PRDM16: variants seen among roughly 807,000 people sequenced by gnomAD.
PRDM16 encodes the protein histone-lysine N-methyltransferase PRDM16.
In PRDM16, 23 loss-of-function variants were observed where a neutral mutation model predicts 110.6. That is an observed-to-expected ratio of 0.21 (90% confidence interval 0.15 to 0.29). The LOEUF is 0.29. PRDM16 is among the 10% of genes least tolerant of loss of function. PRDM16 has a pLI of 1.00. For synonymous variants in PRDM16, 799 were observed against 781.8 expected (o/e 1.02, Z -0.37); for missense variants, 1,615 against 1,794.3 (o/e 0.90, Z 1.81).
intron 2 of PRDM16, among the ~76,000 whole-genome samples, chr1:3,222,910 G>A (rs973164983): frequency 6.6e-6 from 1 of 152,128 alleles, no homozygotes; most frequent in Admixed American, 6.5e-5. Flanking sequence ...CAAGGCCGGG[G>A]TGGAGTTTGG....
rs1378027221 is a variant in PRDM16, at chr1:3,339,116, A to G, written c.439-46036A>G. 6.6e-6 allele frequency among the ~76,000 whole-genome samples: 1 copy of G among 152,032 alleles called. No individual in the cohort carries two copies. The highest frequency in any genetic ancestry group is 2.4e-5 in the African/African-American group (1 of 41,396). On this transcript the variant is annotated intron_variant, in intron 3 of 16. Coordinates refer to ENST00000270722, the MANE Select transcript of PRDM16 (RefSeq NM_022114.4). This position sits in a 1 kb window ranked among gnomAD's most constrained non-coding sequence, Gnocchi z 5.0. Reference sequence around the variant, plus strand: ...GTGCACTCCCCTCTCTGGCCTCCCCATGTCCCGCCTTTCCGGGTGCTCAGA... The same window carrying G: ...GTGCACTCCCCTCTCTGGCCTCCCCGTGTCCCGCCTTTCCGGGTGCTCAGA...
At position 3,390,019 on chromosome 1, in the gene PRDM16, C is replaced by T. The variant is rs114756981; in HGVS notation, c.573+4733C>T. On this transcript the variant is annotated intron_variant, in intron 4 of 16. Transcript: ENST00000270722. This position sits in a 1 kb window ranked among gnomAD's most constrained non-coding sequence, Gnocchi z 5.0. Reference sequence around the variant, plus strand: ...AAAATTCAAGACACTCAGATCACCCCTGGGTGGTTCTTTCTCCTGTAATTA... The same window carrying T: ...AAAATTCAAGACACTCAGATCACCCTTGGGTGGTTCTTTCTCCTGTAATTA... Among the ~76,000 whole-genome samples, 2,543 of 149,150 alleles carry T rather than the reference C, an allele frequency of 0.017. 37 individuals carry two copies. The highest frequency in any genetic ancestry group is 0.024 in the Non-Finnish European group (1,628 of 67,372).
intron 3 of PRDM16, among the ~76,000 whole-genome samples, chr1:3,364,318 G>A (rs1244718005): frequency 6.6e-6 from 1 of 152,200 alleles, no homozygotes; most frequent in African/African-American, 2.4e-5. Flanking sequence ...AGGGGCCCCT[G>A]GTTTTCCATG....
chr1:3,334,225 G>T (rs2100494906), intron 3 of PRDM16, among the ~76,000 whole-genome samples: 1 of 152,328 alleles, frequency 6.6e-6, no homozygotes, highest in Admixed American at 6.5e-5. Flanking sequence ...AAAGAGGGAA[G>T]ACAGAGCAGG....
chr1:3,411,763 G>T lies in PRDM16; in HGVS notation c.1566G>T (p.Leu522Phe), dbSNP rs554705536. 570 of 1,611,606 alleles carry T rather than the reference G, an allele frequency of 3.5e-4. 8 individuals carry two copies. In the Admixed American group the frequency reaches 9.4e-3, roughly 27 times the overall value. ...PGFPGIFPPS[L>F]YPRPPLLPPT... Reference sequence around the variant, plus strand: ...TCCCGGGCATCTTCCCTCCATCCTTGTACCCCCGGCCGCCTCTGCTACCTC... The same window carrying T: ...TCCCGGGCATCTTCCCTCCATCCTTTTACCCCCGGCCGCCTCTGCTACCTC... The change falls in exon 9 of 17, where the codon TTG becomes TTT. Residue 522 changes from leucine (L) to phenylalanine (F), a missense_variant. This residue lies in a region of PRDM16 where 772 missense variants were observed against 748.3 expected (regional missense o/e 1.03). Coordinates refer to ENST00000270722, the MANE Select transcript of PRDM16 (RefSeq NM_022114.4).
chr1:3,181,627 C>T (rs1411640785), intron 1 of PRDM16, among the ~76,000 whole-genome samples: 11 of 141,774 alleles, frequency 7.8e-5, no homozygotes, highest in South Asian at 2.3e-4. Context: ...CGGTCTTACA[C>T]ATGCAGTCTT....
intron 5 of PRDM16, among the ~76,000 whole-genome samples, chr1:3,399,332 T>C (rs1371459898): frequency 1.3e-5 from 2 of 152,156 alleles, no homozygotes; most frequent in Non-Finnish European, 2.9e-5. Context: ...GAATAGGACA[T>C]GTTCTTTCAG....
At chr1:3,366,750 C>G (rs921720551) in intron 3 of PRDM16, among the ~76,000 whole-genome samples, 5 of 152,168 alleles carry the variant, frequency 3.3e-5, no homozygotes, top group Non-Finnish European at 7.3e-5. Flanking sequence ...GATCTCTACT[C>G]TAGGTCAAAT....
intron 1 of PRDM16, among the ~76,000 whole-genome samples, chr1:3,154,816 C>G (rs917293802): frequency 6.6e-6 from 1 of 152,202 alleles, no homozygotes; most frequent in Non-Finnish European, 1.5e-5. Context: ...AGTATAAAAA[C>G]TGCTAGAAAA....
intron 3 of PRDM16, among the ~76,000 whole-genome samples, chr1:3,361,640 G>C (rs1044964656): frequency 1.3e-5 from 2 of 152,240 alleles, no homozygotes; most frequent in African/African-American, 4.8e-5. Flanking sequence ...CGGAAGGATG[G>C]TGTTGTGGGG....
In PRDM16 at chr1:3,069,552, C is replaced by T. The variant is rs966924920; in HGVS notation, c.37+256C>T. Among the ~76,000 whole-genome samples the T allele has an allele frequency of 2.0e-5, 3 of 149,158 alleles. No individual in the cohort carries two copies. Among genetic ancestry groups the T allele is most frequent in the Non-Finnish European group, 4.5e-5 (3 of 66,472 alleles). On this transcript the variant is annotated intron_variant, in intron 1 of 16. Coordinates refer to ENST00000270722, the MANE Select transcript of PRDM16 (RefSeq NM_022114.4). This position sits in a 1 kb window ranked among gnomAD's most constrained non-coding sequence, Gnocchi z 6.1. ...CTCCCCGCGGAACCCCCTCCCCCCC[C>T]ACCAGTGTCAGGCGCTCGGGCCCGG...
intron 1 of PRDM16, among the ~76,000 whole-genome samples, chr1:3,140,145 C>T (rs34663596): frequency 1.4e-4 from 22 of 152,378 alleles, no homozygotes; most frequent in Non-Finnish European, 2.6e-4. Context: ...AATCCAACAT[C>T]GGCAGCACCC....
At chr1:3,257,158 G>A (rs929159851) in intron 3 of PRDM16, among the ~76,000 whole-genome samples, 7 of 152,236 alleles carry the variant, frequency 4.6e-5, no homozygotes, top group African/African-American at 7.2e-5. Context: ...CTGGCAGGCC[G>A]CGGAGGGCTC....
At chr1:3,312,422 C>T (rs1641483744) in intron 3 of PRDM16, among the ~76,000 whole-genome samples, 1 of 152,226 alleles carries the variant, frequency 6.6e-6, no homozygotes, top group African/African-American at 2.4e-5. Flanking sequence ...AGGCAGCCCC[C>T]AGCCTCCTCC....
In PRDM16 at chr1:3,331,131, C is replaced by A. The variant is rs930251500; in HGVS notation, c.439-54021C>A. On this transcript the variant is annotated intron_variant, in intron 3 of 16. Coordinates refer to ENST00000270722, the MANE Select transcript of PRDM16 (RefSeq NM_022114.4). ...AGCCCTGCAAGCTGCTCCTGCCCTT[C>A]GGCCTGGGAGGGGGCCTTCCTCTGC... Among the ~76,000 whole-genome samples, 10 of 152,228 alleles carry A rather than the reference C, an allele frequency of 6.6e-5. No individual in the cohort carries two copies. The East Asian group carries it at 1.9e-3, about 29-fold the overall frequency.
chr1:3,330,904 C>T (rs1271379694), intron 3 of PRDM16, among the ~76,000 whole-genome samples: 1 of 152,252 alleles, frequency 6.6e-6, no homozygotes. Context: ...TGCTCTGGGG[C>T]AGAAATCGGA....
intron 2 of PRDM16, among the ~76,000 whole-genome samples, chr1:3,222,679 G>A (rs985509361): frequency 2.0e-5 from 3 of 152,250 alleles, no homozygotes; most frequent in Non-Finnish European, 4.4e-5. Flanking sequence ...ACTCTGGGGC[G>A]GACTGGGCAT....
chr1:3,233,145 G>A (rs1458257171), intron 2 of PRDM16, among the ~76,000 whole-genome samples: 3 of 152,192 alleles, frequency 2.0e-5, no homozygotes, highest in African/African-American at 7.2e-5. Context: ...AGAGCCCACC[G>A]GGCTGCCCTG....
chr1:3,084,953 C>G (rs1013247021), intron 1 of PRDM16, among the ~76,000 whole-genome samples: 4 of 152,182 alleles, frequency 2.6e-5, no homozygotes, highest in Non-Finnish European at 1.5e-5. Context: ...GCGCACCCTG[C>G]GGCAGGTGTT....
Sources: gnomAD v4.1 joint callset for allele counts (sites outside exome capture counted in the v4.1 genomes callset) on GRCh38, gnomAD v4.1.1 for gene constraint, gnomAD v4.1.1 regional missense constraint, Gnocchi (gnomAD v3.1) non-coding constraint, MANE v1.5 for transcripts, NCBI Gene and HGNC (gene_info 2026-07-23, HGNC 2026-07-21) for gene names.